EYA4: variants seen among roughly 807,000 people sequenced by gnomAD.
EYA4 encodes protein phosphatase EYA4.
A neutral mutation model predicts 87.9 loss-of-function variants in EYA4; 31 were observed. The ratio of observed to expected loss-of-function variants is 0.35; its 90% confidence interval spans 0.27 to 0.48. The LOEUF (loss-of-function observed/expected upper bound fraction) is 0.48, where lower values mean the gene tolerates loss of function less well. EYA4 is among the 20% of genes least tolerant of loss of function. The pLI, the probability that EYA4 is intolerant of heterozygous loss-of-function variation, is 0.99. For missense variants in EYA4, 678 were observed against 761.4 expected (o/e 0.89, Z 1.29); for synonymous variants, 263 against 270.6 (o/e 0.97, Z 0.28).
intron 13 of EYA4, among the ~76,000 whole-genome samples, chr6:133,497,333 A>T (rs1426634360): frequency 6.6e-6 from 1 of 152,202 alleles, no homozygotes; most frequent in African/African-American, 2.4e-5. Context: ...GTTTTAATTT[A>T]AAAAAACTTT....
chr6:133,484,951 C>CTATT (rs1433279148), intron 13 of EYA4, among the ~76,000 whole-genome samples: 33 of 152,252 alleles, frequency 2.2e-4, no homozygotes, highest in African/African-American at 7.7e-4. Flanking sequence ...TTTGATCTTT[C>CTATT]TTTAAAAATA....
chr6:133,399,067 C>T (rs574291607), intron 3 of EYA4, among the ~76,000 whole-genome samples: 5 of 152,226 alleles, frequency 3.3e-5, no homozygotes, highest in Non-Finnish European at 7.4e-5. Context: ...TTTTGACCAG[C>T]GCCAGCTCAC....
intron 3 of EYA4, among the ~76,000 whole-genome samples, chr6:133,415,656 T>C (rs1789651558): frequency 6.6e-6 from 1 of 152,202 alleles, no homozygotes; most frequent in African/African-American, 2.4e-5. Flanking sequence ...TCTCCTGACA[T>C]AATGCACAAT....
intron 11 of EYA4, among the ~76,000 whole-genome samples, chr6:133,475,814 C>T (rs1795673671): frequency 6.6e-6 from 1 of 152,026 alleles, no homozygotes; most frequent in African/African-American, 2.4e-5. Context: ...CTGGTTTTAC[C>T]CTTTATCAGA....
At chr6:133,515,289 C>T in intron 16 of EYA4, 32 bp from the exon 17 acceptor site, 1 of 1,051,626 alleles carries the variant, frequency 9.5e-7, no homozygotes, top group Non-Finnish European at 1.5e-6. Flanking sequence ...ATATTCATCT[C>T]TCGACTCTGC....
chr6:133,530,337 G>T lies in EYA4; in HGVS notation c.*1532G>T, dbSNP rs776008831. ...AGCCCATCATCGTTGTGTTTGCATG[G>T]TTTTTTTCCTTGTGTGTAGCCCATG... On this transcript the variant is annotated 3_prime_UTR_variant, in exon 20 of 20. Coordinates refer to ENST00000355286, the MANE Select transcript of EYA4 (RefSeq NM_004100.5). The T allele has an allele frequency of 3.4e-4, 334 of 985,396 alleles. 3 individuals carry two copies. The highest frequency in any genetic ancestry group is 3.1e-3 in the Admixed American group (50 of 16,278). 61.0% of individuals were successfully genotyped at this position (985,396 alleles called of 1,614,324 possible).
At chr6:133,368,081 T>C (rs568253153) in intron 2 of EYA4, among the ~76,000 whole-genome samples, 1 of 152,198 alleles carries the variant, frequency 6.6e-6, no homozygotes, top group East Asian at 1.9e-4. Flanking sequence ...TCCCACTTGG[T>C]TATAATGGTA....
chr6:133,243,089 C>CGTGT (rs3065226), intron 1 of EYA4, among the ~76,000 whole-genome samples: 6,353 of 145,418 alleles, frequency 0.044, 371 homozygotes, highest in African/African-American at 0.13. Flanking sequence ...GGAGCAACTT[C>CGTGT]GTGTGTGTGT....
intron 13 of EYA4, among the ~76,000 whole-genome samples, chr6:133,494,124 C>A (rs1406578105): frequency 6.6e-6 from 1 of 152,126 alleles, no homozygotes; most frequent in African/African-American, 2.4e-5. Context: ...ATTTGCACTC[C>A]TATGTTTATT....
rs1800596135 is a variant in EYA4, at chr6:133,525,869, C to T, written c.1839+615C>T. ...TGCTACTGAAATGGGATGTATTGCTCAGATCCTTTTGCACCAACTTGTCTT... is the reference window on the plus strand; with the variant it reads ...TGCTACTGAAATGGGATGTATTGCTTAGATCCTTTTGCACCAACTTGTCTT... On this transcript the variant is annotated intron_variant, in intron 19 of 19. Coordinates refer to ENST00000355286, the MANE Select transcript of EYA4 (RefSeq NM_004100.5). 1.1e-5 allele frequency: 11 copies of T among 983,554 alleles called. No homozygotes were observed. In the South Asian group the frequency reaches 1.4e-4, roughly 13 times the overall value. 60.9% of individuals were successfully genotyped at this position (983,554 alleles called of 1,614,324 possible).
At chr6:133,435,997 G>A (rs939585491) in intron 3 of EYA4, among the ~76,000 whole-genome samples, 12 of 152,088 alleles carry the variant, frequency 7.9e-5, no homozygotes, top group African/African-American at 2.4e-4. Context: ...GAGGCAGTTG[G>A]ATCAGGAGGT....
At chr6:133,384,746 G>T (rs1010660502) in intron 3 of EYA4, among the ~76,000 whole-genome samples, 5 of 152,114 alleles carry the variant, frequency 3.3e-5, no homozygotes, top group Admixed American at 3.3e-4. Flanking sequence ...TATTAGGCCT[G>T]AGAGTGCCAG....
chr6:133,400,120 T>C (rs1240722810), intron 3 of EYA4, among the ~76,000 whole-genome samples: 5 of 152,234 alleles, frequency 3.3e-5, no homozygotes, highest in Non-Finnish European at 4.4e-5. Flanking sequence ...ATATTTTCTA[T>C]TCAAGAGTTT....
intron 3 of EYA4, among the ~76,000 whole-genome samples, chr6:133,400,235 C>G (rs900708934): frequency 6.6e-6 from 1 of 152,036 alleles, no homozygotes; most frequent in Non-Finnish European, 1.5e-5. Context: ...TGCGGTGGGG[C>G]GTGGTGGCTC....
chr6:133,397,667 T>C (rs562162763), intron 3 of EYA4, among the ~76,000 whole-genome samples: 1 of 152,318 alleles, frequency 6.6e-6, no homozygotes, highest in East Asian at 1.9e-4. Context: ...GTATTAGTTT[T>C]CACACTGCTG....
At chr6:133,336,989 C>T (rs1326753025) in intron 2 of EYA4, among the ~76,000 whole-genome samples, 1 of 152,192 alleles carries the variant, frequency 6.6e-6, no homozygotes, top group Non-Finnish European at 1.5e-5. Context: ...CTAACTACAG[C>T]TGTTGGGTAA....
intron 2 of EYA4, among the ~76,000 whole-genome samples, chr6:133,276,139 C>T (rs1777145543): frequency 6.6e-6 from 1 of 152,154 alleles, no homozygotes; most frequent in African/African-American, 2.4e-5. Flanking sequence ...ATGTTGACAA[C>T]ATCTTAGTGG....
intron 3 of EYA4, among the ~76,000 whole-genome samples, chr6:133,435,808 CTT>C (rs1168234763): frequency 6.6e-6 from 1 of 152,040 alleles, no homozygotes; most frequent in Non-Finnish European, 1.5e-5. Flanking sequence ...TATTTTTCCT[CTT>C]TGACTCTAAA....
chr6:133,437,832 A>G (rs1387617953), intron 3 of EYA4, among the ~76,000 whole-genome samples: 2 of 152,106 alleles, frequency 1.3e-5, no homozygotes, highest in Non-Finnish European at 2.9e-5. Flanking sequence ...CATGGGGGAG[A>G]CCGCCCCTAT....
Sources: gnomAD v4.1 joint callset for allele counts (sites outside exome capture counted in the v4.1 genomes callset) on GRCh38, gnomAD v4.1.1 for gene constraint, MANE v1.5 for transcripts, NCBI Gene and HGNC (gene_info 2026-07-23, HGNC 2026-07-21) for gene names.